The following ADAM32 variants were observed in gnomAD, a reference collection of about 807,000 sequenced individuals.
ADAM32 encodes disintegrin and metalloproteinase domain-containing protein 32.
Under a neutral mutation model 114.9 loss-of-function variants are expected in ADAM32, and 89 were observed. The ratio of observed to expected loss-of-function variants is 0.77; its 90% confidence interval spans 0.65 to 0.92. The LOEUF is 0.92. Ranked by LOEUF, ADAM32 falls within the 40% of genes least tolerant of loss-of-function variation. The pLI, the probability that ADAM32 is intolerant of heterozygous loss-of-function variation, is 0.00. For synonymous variants in ADAM32, 285 were observed against 307.5 expected, an observed-to-expected ratio of 0.93 and a Z score of 0.77; for missense variants, 870 against 932.8, an observed-to-expected ratio of 0.93 and a Z score of 0.88.
intron 2 of ADAM32, among the ~76,000 whole-genome samples, chr8:39,133,591 G>A (rs1802594061): frequency 6.6e-6 from 1 of 152,200 alleles, no homozygotes; most frequent in African/African-American, 2.4e-5. Context: ...CAGGCTGTCT[G>A]GTGGTGCATG....
intron 17 of ADAM32, 40 bp downstream of exon 17, chr8:39,246,206 C>T (rs1810907859): frequency 6.4e-7 from 1 of 1,564,792 alleles, no homozygotes; most frequent in Non-Finnish European, 8.8e-7. Context: ...ATTTCTTGGA[C>T]ACTTTTTTGC....
chr8:39,256,072 T>A (rs137970622), intron 18 of ADAM32, among the ~76,000 whole-genome samples: 7 of 152,180 alleles, frequency 4.6e-5, no homozygotes, highest in Admixed American at 1.3e-4. Context: ...CCTATTCCAT[T>A]CCATTGGTCT....
intron 2 of ADAM32, among the ~76,000 whole-genome samples, chr8:39,121,063 G>A (rs1263788866): frequency 6.6e-6 from 1 of 152,200 alleles, no homozygotes; most frequent in Non-Finnish European, 1.5e-5. Context: ...ACAAGAACTT[G>A]AAGATTTGAG....
At chr8:39,210,364 T>C (rs1377293181) in intron 11 of ADAM32, among the ~76,000 whole-genome samples, 2 of 152,224 alleles carry the variant, frequency 1.3e-5, no homozygotes. Context: ...TTCTTGTTGT[T>C]ATGCCAAAAC....
intron 1 of ADAM32, among the ~76,000 whole-genome samples, chr8:39,113,416 A>G (rs1840247594): frequency 1.3e-5 from 2 of 152,180 alleles, no homozygotes; most frequent in African/African-American, 2.4e-5. Flanking sequence ...CAATTTTGAC[A>G]GTTTTACCAG....
At chr8:39,281,625 C>T (rs755806660) in intron 23 of ADAM32, among the ~76,000 whole-genome samples, 20 of 152,162 alleles carry the variant, frequency 1.3e-4, no homozygotes, top group Non-Finnish European at 2.6e-4. Flanking sequence ...TATAAACACA[C>T]TAAAATTCTA....
chr8:39,112,051 T>C (rs1455856039), intron 1 of ADAM32, among the ~76,000 whole-genome samples: 2 of 152,152 alleles, frequency 1.3e-5, no homozygotes, highest in Non-Finnish European at 2.9e-5. Flanking sequence ...TATTTAGTAA[T>C]ATGTGATTAC....
intron 11 of ADAM32, among the ~76,000 whole-genome samples, chr8:39,199,396 T>C (rs923734611): frequency 6.6e-6 from 1 of 152,202 alleles, no homozygotes; most frequent in Non-Finnish European, 1.5e-5. Context: ...CTGTCATATA[T>C]GTATATAATT....
At chr8:39,192,030 G>A (rs977237570) in intron 11 of ADAM32, among the ~76,000 whole-genome samples, 3 of 152,150 alleles carry the variant, frequency 2.0e-5, no homozygotes, top group African/African-American at 7.2e-5. Flanking sequence ...TTCTCTTTTG[G>A]TTAGTTGGCT....
rs571149044 is a variant in ADAM32 at position 39,209,972 on chromosome 8, G to A, written c.1053-1172G>A. On this transcript the variant is annotated intron_variant, in intron 11 of 24. Coordinates refer to ENST00000379907, the MANE Select transcript of ADAM32 (RefSeq NM_145004.7). ...CATAGACCAGCACAGTAATGGTTAGGGTTTGCTCACCTAACACCCACAGTC... is the reference window on the plus strand; with the variant it reads ...CATAGACCAGCACAGTAATGGTTAGAGTTTGCTCACCTAACACCCACAGTC... Among the ~76,000 whole-genome samples the A allele has an allele frequency of 3.9e-5, 6 of 152,254 alleles. No homozygotes were observed. The South Asian group carries it at 1.2e-3, about 32-fold the overall frequency.
chr8:39,162,598 C>T (rs1481105891), intron 7 of ADAM32, among the ~76,000 whole-genome samples: 1 of 152,032 alleles, frequency 6.6e-6, no homozygotes, highest in Non-Finnish European at 1.5e-5. Flanking sequence ...ACTAGTTCAA[C>T]CATTGTGGAA....
chr8:39,238,108 A>G (rs952728894), intron 16 of ADAM32, among the ~76,000 whole-genome samples: 9 of 152,376 alleles, frequency 5.9e-5, no homozygotes, highest in Non-Finnish European at 1.2e-4. Context: ...CATTGCTAGC[A>G]TAACCAGTCT....
At chr8:39,138,718 T>G (rs1802959426) in intron 3 of ADAM32, among the ~76,000 whole-genome samples, 2 of 152,188 alleles carry the variant, frequency 1.3e-5, no homozygotes, top group Admixed American at 1.3e-4. Flanking sequence ...CAAATGGTAT[T>G]TCTAGTTCTA....
At chr8:39,262,925 C>T (rs930650058) in intron 19 of ADAM32, among the ~76,000 whole-genome samples, 1 of 151,924 alleles carries the variant, frequency 6.6e-6, no homozygotes, top group Non-Finnish European at 1.5e-5. Context: ...CCAGGCTGGT[C>T]TCAAACTCCT....
chr8:39,269,705 T>G (rs998197064), intron 19 of ADAM32, among the ~76,000 whole-genome samples: 1 of 152,246 alleles, frequency 6.6e-6, no homozygotes, highest in Non-Finnish European at 1.5e-5. Context: ...CTTAGTGATT[T>G]GTAATGGTAG....
intron 11 of ADAM32, among the ~76,000 whole-genome samples, chr8:39,203,957 G>GC (rs1301944108): frequency 6.6e-6 from 1 of 152,074 alleles, no homozygotes; most frequent in Non-Finnish European, 1.5e-5. Flanking sequence ...TTGAATATTG[G>GC]CCCCCACTCT....
At chr8:39,203,089 T>C (rs192216355) in intron 11 of ADAM32, among the ~76,000 whole-genome samples, 422 of 152,358 alleles carry the variant, frequency 2.8e-3, no homozygotes, top group Non-Finnish European at 4.0e-3. Flanking sequence ...GATGTGGTGC[T>C]GAGAAGCATG....
At chr8:39,273,193 G>T (rs865804249) in intron 20 of ADAM32, among the ~76,000 whole-genome samples, 1 of 151,946 alleles carries the variant, frequency 6.6e-6, no homozygotes, top group Admixed American at 6.6e-5. Context: ...AAAGGAGTAC[G>T]CTCTAAAATA....
chr8:39,139,429 G>A (rs1020639750), intron 3 of ADAM32, among the ~76,000 whole-genome samples: 2 of 152,112 alleles, frequency 1.3e-5, no homozygotes, highest in African/African-American at 4.8e-5. Flanking sequence ...TATTAAATAG[G>A]GAATCCTTTC....
Sources: gnomAD v4.1 joint callset for allele counts (sites outside exome capture counted in the v4.1 genomes callset) on GRCh38, gnomAD v4.1.1 for gene constraint, MANE v1.5 for transcripts, NCBI Gene and HGNC (gene_info 2026-07-23, HGNC 2026-07-21) for gene names.